SYK: variants seen among roughly 807,000 people sequenced by gnomAD.
SYK encodes the protein tyrosine-protein kinase SYK.
Under a neutral mutation model 77.8 loss-of-function variants are expected in SYK, and 16 were observed. The observed-to-expected ratio is 0.21, with a 90% CI of 0.14 to 0.31. SYK has a LOEUF of 0.31. Ranked by LOEUF, SYK falls within the 10% of genes least tolerant of loss-of-function variation. The pLI, the probability that SYK is intolerant of heterozygous loss-of-function variation, is 1.00. For synonymous variants in SYK, 312 were observed against 308.7 expected (o/e 1.01, Z -0.11); for missense variants, 529 against 814.4 (o/e 0.65, Z 4.26).
intron 1 of SYK, among the ~76,000 whole-genome samples, chr9:90,816,826 C>A (rs1825308558): frequency 6.6e-6 from 1 of 152,212 alleles, no homozygotes; most frequent in Non-Finnish European, 1.5e-5. Context: ...TTTCACTTTA[C>A]ATAACTTTCT....
chr9:90,833,675 A>G (rs1317925171), intron 1 of SYK, among the ~76,000 whole-genome samples: 2 of 152,230 alleles, frequency 1.3e-5, no homozygotes, highest in Non-Finnish European at 2.9e-5. Flanking sequence ...GGTGGCAAGC[A>G]TGGATCTATT....
intron 3 of SYK, among the ~76,000 whole-genome samples, chr9:90,859,747 T>G (rs1353790963): frequency 6.6e-6 from 1 of 152,226 alleles, no homozygotes; most frequent in Non-Finnish European, 1.5e-5. Flanking sequence ...CCACTCTCAG[T>G]AGCACTTAGA....
Position 90,864,378 on chromosome 9 carries a change from A to C in SYK, c.718-211A>C, listed in dbSNP as rs566638672. ...ATACCACTTTCTGGCCCTTTACAGA[A>C]AAAATTTGCTGCCCCTAGCCCAAGA... is the stretch of plus-strand genomic sequence containing the variant. On this transcript the variant is annotated intron_variant, in intron 4 of 13. Coordinates refer to ENST00000375754, the MANE Select transcript of SYK (RefSeq NM_003177.7). Among the ~76,000 whole-genome samples the C allele has an allele frequency of 6.8e-4, 103 of 152,344 alleles. 1 individual carries two copies. Among genetic ancestry groups the C allele is most frequent in the Middle Eastern group, 6.8e-3 (2 of 294 alleles).
chr9:90,857,802 C>T (rs942245409), intron 3 of SYK, among the ~76,000 whole-genome samples: 1 of 152,204 alleles, frequency 6.6e-6, no homozygotes, highest in African/African-American at 2.4e-5. Flanking sequence ...CACAGGCCCC[C>T]TCTGTCCATC....
intron 1 of SYK, among the ~76,000 whole-genome samples, chr9:90,828,997 A>T (rs2013826): frequency 3.9e-5 from 6 of 151,980 alleles, no homozygotes; most frequent in African/African-American, 1.5e-4. Context: ...CTTAAAAATC[A>T]CCTGGGAAGC....
intron 6 of SYK, among the ~76,000 whole-genome samples, chr9:90,866,498 C>T (rs994420881): frequency 3.3e-5 from 5 of 152,184 alleles, no homozygotes; most frequent in African/African-American, 1.2e-4. Context: ...ACAGGGCTCA[C>T]AGGCCTGGCA....
intron 4 of SYK, among the ~76,000 whole-genome samples, chr9:90,862,675 A>T (rs920017963): frequency 2.6e-5 from 4 of 152,220 alleles, no homozygotes; most frequent in African/African-American, 9.6e-5. Flanking sequence ...ATGTAAGTGC[A>T]GGGCTGTGTT....
Position 90,843,910 on chromosome 9 carries a change from C to G in SYK, c.12C>G (p.Ser4Arg). 6.5e-7 allele frequency: 1 copy of G among 1,538,544 alleles called. No homozygotes were observed. Among genetic ancestry groups the G allele is most frequent in the Non-Finnish European group, 8.8e-7 (1 of 1,141,214 alleles). Reference protein sequence around the residue: MASSGMADSANHLP... With the variant: MASRGMADSANHLP... ...CCGGCCCCTGAAGCATGGCCAGCAG[C>G]GGCATGGCTGACAGCGCCAACCACC... Residue 4 changes from serine (S) to arginine (R), a missense_variant, in exon 2 of 14, where the codon AGC becomes AGG. Physicochemically the swap from Ser to Arg is moderately radical, Grantham distance 110 (BLOSUM62 -1). Transcript: ENST00000375754.
intron 1 of SYK, among the ~76,000 whole-genome samples, chr9:90,822,152 C>T (rs290245): frequency 0.15 from 22,517 of 152,160 alleles, 2,000 homozygotes; most frequent in East Asian, 0.44. Context: ...AAACTATATT[C>T]TACTTCTTTT....
intron 6 of SYK, among the ~76,000 whole-genome samples, chr9:90,865,726 A>G (rs2118810477): frequency 6.6e-6 from 1 of 152,216 alleles, no homozygotes; most frequent in South Asian, 2.1e-4. Flanking sequence ...ATATTTGAGA[A>G]ATGGGAACAT....
At chr9:90,808,749 C>T (rs1304786831) in intron 1 of SYK, among the ~76,000 whole-genome samples, 1 of 152,108 alleles carries the variant, frequency 6.6e-6, no homozygotes, top group Admixed American at 6.5e-5. Context: ...TCCCGCTCCT[C>T]CCTGTTCCTC....
At chr9:90,823,101 C>A (rs1424469251) in intron 1 of SYK, among the ~76,000 whole-genome samples, 1 of 152,144 alleles carries the variant, frequency 6.6e-6, no homozygotes, top group Non-Finnish European at 1.5e-5. Flanking sequence ...GTTCCAGCAC[C>A]CTCATCACTT....
At chr9:90,874,327 G>T in intron 8 of SYK, 36 bp downstream of exon 8, 12 of 1,599,430 alleles carry the variant, frequency 7.5e-6, no homozygotes, top group Non-Finnish European at 1.0e-5. Context: ...CATTCACAGA[G>T]CAAAGTGCGT....
At chr9:90,894,715 T>G (rs1587933444) in intron 13 of SYK, among the ~76,000 whole-genome samples, 1 of 152,354 alleles carries the variant, frequency 6.6e-6, no homozygotes, top group Middle Eastern at 3.4e-3. Context: ...TCTTGCAAAA[T>G]AAGAAAAATA....
At chr9:90,850,726 C>T (rs988772365) in intron 3 of SYK, among the ~76,000 whole-genome samples, 1 of 149,528 alleles carries the variant, frequency 6.7e-6, no homozygotes, top group Non-Finnish European at 1.5e-5. Flanking sequence ...GTCTGAGAAT[C>T]GCTTTACGTG....
At position 90,860,040 on chromosome 9, in the gene SYK, G is replaced by A. The variant is rs1053606035; in HGVS notation, c.579-2166G>A. Among the ~76,000 whole-genome samples, 23 of 152,240 alleles carry A rather than the reference G, an allele frequency of 1.5e-4. 1 individual carries two copies. The highest frequency in any genetic ancestry group is 3.4e-3 in the Middle Eastern group (1 of 294). ...GTCTCACTCTGTTGCCCAGGCTGGA[G>A]TGCCATGGTGCAGTCTTGGCTCACT... On this transcript the variant is annotated intron_variant, in intron 3 of 13. Transcript: ENST00000375754.
rs1829019187 is a variant in SYK at position 90,897,064 on chromosome 9, A to G, written c.*1464A>G. 1 of 221,076 alleles carries G rather than the reference A, an allele frequency of 4.5e-6. No individual in the cohort carries two copies. Among genetic ancestry groups the G allele is most frequent in the Non-Finnish European group, 9.1e-6 (1 of 110,306 alleles). 13.7% of individuals were successfully genotyped at this position (221,076 alleles called of 1,614,324 possible). ...AAAAAACAACTTAAAGAGGTAATTTAGCCATCATTCTTATGCCAGCAGATA... is the reference window on the plus strand; with the variant it reads ...AAAAAACAACTTAAAGAGGTAATTTGGCCATCATTCTTATGCCAGCAGATA... On this transcript the variant is annotated 3_prime_UTR_variant, in exon 14 of 14. Coordinates refer to ENST00000375754, the MANE Select transcript of SYK (RefSeq NM_003177.7).
chr9:90,860,912 G>A (rs1827231309), intron 3 of SYK, among the ~76,000 whole-genome samples: 1 of 152,058 alleles, frequency 6.6e-6, no homozygotes, highest in Admixed American at 6.6e-5. Context: ...AGGCAGTTGG[G>A]CACACTTGAA....
intron 1 of SYK, among the ~76,000 whole-genome samples, chr9:90,815,383 A>T (rs544430731): frequency 1.4e-4 from 21 of 152,368 alleles, no homozygotes; most frequent in African/African-American, 4.3e-4. Flanking sequence ...CCTCGGCTCC[A>T]ACCTTGCCTC....
Sources: allele counts gnomAD v4.1 joint callset (sites outside exome capture counted in the v4.1 genomes callset), GRCh38; gene constraint gnomAD v4.1.1; transcripts MANE v1.5; gene names NCBI Gene and HGNC (gene_info 2026-07-23, HGNC 2026-07-21).